Variants in ADGRL3 observed in about 807,000 individuals in gnomAD.
ADGRL3 encodes adhesion G protein-coupled receptor L3, also known as calcium-independent alpha-latrotoxin receptor 3.
A neutral mutation model predicts 153.5 loss-of-function variants in ADGRL3; 62 were observed. The observed-to-expected ratio is 0.40, with a 90% CI of 0.33 to 0.50. The LOEUF (loss-of-function observed/expected upper bound fraction) is 0.50, where lower values mean the gene tolerates loss of function less well. Among genes scored for constraint, ADGRL3 ranks in the 20% least tolerant of loss-of-function variants. ADGRL3 has a pLI of 0.47. For synonymous variants in ADGRL3, 710 were observed against 672.5 expected (o/e 1.06, Z -0.86); for missense variants, 1,641 against 1,859.4 (o/e 0.88, Z 2.16).
rs1012113549 is a variant in ADGRL3 at position 61,726,199 on chromosome 4, C to CTTTTTTTTTTTTTTTTTTTTTT, written c.584-4413_584-4412insTTTTTTTTTTTTTTTTTTTTTT. Among the ~76,000 whole-genome samples the CTTTTTTTTTTTTTTTTTTTTTT allele has an allele frequency of 8.9e-4, 74 of 82,916 alleles. 3 individuals carry two copies. Among genetic ancestry groups the CTTTTTTTTTTTTTTTTTTTTTT allele is most frequent in the African/African-American group, 1.8e-3 (40 of 22,164 alleles). 54.4% of individuals were successfully genotyped at this position (82,916 alleles called of 152,430 possible). A position where few individuals can be genotyped will look rare whatever the true frequency, so the allele number is the denominator to read the frequency against. ...TGCTCAAGGGAAATACTCACTGGAA[C>CTTTTTTTTTTTTTTTTTTTTTT]TTTTTTTTTTGTTTTTTGAGAAGGA... On this transcript the variant is annotated intron_variant, in intron 6 of 26. Coordinates refer to ENST00000683033, the MANE Select transcript of ADGRL3 (RefSeq NM_001387552.1).
chr4:62,006,181 T>C (rs1160454055), intron 21 of ADGRL3, among the ~76,000 whole-genome samples: 3 of 151,232 alleles, frequency 2.0e-5, no homozygotes, highest in African/African-American at 7.3e-5. Flanking sequence ...ATTACATGCA[T>C]GTGCCATCAT....
At chr4:61,334,546 C>T (rs1483695849) in intron 1 of ADGRL3, among the ~76,000 whole-genome samples, 6 of 152,202 alleles carry the variant, frequency 3.9e-5, no homozygotes, top group East Asian at 1.9e-4. Flanking sequence ...TGGGGCAACT[C>T]TCCTTTTCTG....
chr4:61,803,764 A>G (rs1303326657), intron 8 of ADGRL3, among the ~76,000 whole-genome samples: 1 of 151,984 alleles, frequency 6.6e-6, no homozygotes, highest in African/African-American at 2.4e-5. Context: ...AGTCTAATAC[A>G]CAGTATCTTA....
intron 2 of ADGRL3, among the ~76,000 whole-genome samples, chr4:61,408,642 A>T (rs1018187446): frequency 6.6e-6 from 1 of 152,090 alleles, no homozygotes; most frequent in African/African-American, 2.4e-5. Flanking sequence ...GAAATAAATT[A>T]TTTAATCTAG....
intron 19 of ADGRL3, among the ~76,000 whole-genome samples, chr4:61,990,951 A>ACT (rs1018435443): frequency 1.4e-5 from 1 of 74,014 alleles, no homozygotes; most frequent in African/African-American, 4.9e-5. Context: ...GATGTTTGAA[A>ACT]CTGTGTGTGT....
intron 5 of ADGRL3, among the ~76,000 whole-genome samples, chr4:61,618,300 C>T (rs2092226626): frequency 6.6e-6 from 1 of 152,104 alleles, no homozygotes; most frequent in Non-Finnish European, 1.5e-5. Context: ...ATCGTTAATG[C>T]TTGTTTCAAA....
intron 8 of ADGRL3, among the ~76,000 whole-genome samples, chr4:61,747,324 T>C (rs997592862): frequency 3.3e-5 from 5 of 151,038 alleles, no homozygotes; most frequent in Non-Finnish European, 7.4e-5. Context: ...TTCCAATCAA[T>C]AGAAAAAGAG....
intron 4 of ADGRL3, among the ~76,000 whole-genome samples, chr4:61,566,121 C>A (rs1332838276): frequency 6.6e-6 from 1 of 152,060 alleles, no homozygotes; most frequent in Non-Finnish European, 1.5e-5. Flanking sequence ...AAACTGGGTG[C>A]CTTAAAAATA....
intron 19 of ADGRL3, among the ~76,000 whole-genome samples, chr4:61,991,353 C>A (rs1370679405): frequency 6.6e-6 from 1 of 151,866 alleles, no homozygotes; most frequent in Non-Finnish European, 1.5e-5. Flanking sequence ...ATGATATCAT[C>A]TTCTACTAAG....
At chr4:61,330,783 A>T (rs2150961179) in intron 1 of ADGRL3, among the ~76,000 whole-genome samples, 1 of 152,016 alleles carries the variant, frequency 6.6e-6, no homozygotes, top group Middle Eastern at 3.4e-3. Context: ...TTATTCCCTT[A>T]TTTGTCCCCA....
At chr4:61,423,530 G>A (rs977250798) in intron 2 of ADGRL3, among the ~76,000 whole-genome samples, 1 of 152,180 alleles carries the variant, frequency 6.6e-6, no homozygotes, top group Non-Finnish European at 1.5e-5. Context: ...CCTTGATGAA[G>A]GTATAGGGAG....
At chr4:61,833,675 G>C (rs2097899686) in intron 9 of ADGRL3, among the ~76,000 whole-genome samples, 1 of 152,164 alleles carries the variant, frequency 6.6e-6, no homozygotes, top group Non-Finnish European at 1.5e-5. Context: ...GGGAGGGTCA[G>C]AATCTTGTAG....
chr4:61,552,667 C>T (rs926052179), intron 4 of ADGRL3, among the ~76,000 whole-genome samples: 3 of 152,004 alleles, frequency 2.0e-5, no homozygotes, highest in Admixed American at 6.6e-5. Context: ...TGGGGTCTCC[C>T]TGCATTGCCC....
chr4:61,237,198 G>GTATATAT (rs1753177207), intron 1 of ADGRL3, among the ~76,000 whole-genome samples: 1 of 152,010 alleles, frequency 6.6e-6, no homozygotes, highest in East Asian at 1.9e-4. Flanking sequence ...TTTTCCAACC[G>GTATATAT]TATATATTCA....
intron 1 of ADGRL3, among the ~76,000 whole-genome samples, chr4:61,238,588 G>A (rs1340928470): frequency 6.6e-6 from 1 of 151,866 alleles, no homozygotes; most frequent in East Asian, 1.9e-4. Flanking sequence ...ACCTAAAATT[G>A]ATGAGCCCCA....
intron 1 of ADGRL3, among the ~76,000 whole-genome samples, chr4:61,278,492 ATTTCTT>A (rs1363471354): frequency 6.6e-6 from 1 of 151,866 alleles, no homozygotes; most frequent in Non-Finnish European, 1.5e-5. Context: ...TTGCAGTACT[ATTTCTT>A]TTTCTTTTCT....
intron 1 of ADGRL3, among the ~76,000 whole-genome samples, chr4:61,222,520 G>A (rs1217868963): frequency 1.3e-5 from 2 of 152,040 alleles, no homozygotes; most frequent in Non-Finnish European, 2.9e-5. Context: ...CCTAGAAAAT[G>A]TTGCATAAAG....
At chr4:61,554,714 G>C (rs762703351) in intron 4 of ADGRL3, among the ~76,000 whole-genome samples, 77 of 152,134 alleles carry the variant, frequency 5.1e-4, no homozygotes, top group Non-Finnish European at 2.4e-4. Context: ...GAATTAAACT[G>C]TATCTCTGTG....
At chr4:61,935,085 A>T in intron 14 of ADGRL3, 62 bp downstream of exon 14, 1 of 1,408,534 alleles carries the variant, frequency 7.1e-7, no homozygotes, top group Admixed American at 1.8e-5. Context: ...AGGGAAAAGA[A>T]AAAAGTATCT....
Sources: gnomAD v4.1 joint callset for allele counts (sites outside exome capture counted in the v4.1 genomes callset) on GRCh38, gnomAD v4.1.1 for gene constraint, MANE v1.5 for transcripts, NCBI Gene and HGNC (gene_info 2026-07-23, HGNC 2026-07-21) for gene names.